SLC22A2: variants seen among roughly 807,000 people sequenced by gnomAD.
SLC22A2 encodes the protein organic cation transporter 2.
A neutral mutation model predicts 60.5 loss-of-function variants in SLC22A2; 46 were observed. That is an observed-to-expected ratio of 0.76 (90% CI 0.60 to 0.97). The LOEUF (loss-of-function observed/expected upper bound fraction) is 0.97. SLC22A2 is among the 50% of genes least tolerant of loss of function. The pLI is 0.00. For missense variants in SLC22A2, 701 were observed against 706.6 expected (o/e 0.99, Z 0.09); for synonymous variants, 303 against 267.0 (o/e 1.13, Z -1.31).
chr6:160,228,066 C>T (rs1012360869), intron 9 of SLC22A2, among the ~76,000 whole-genome samples: 2 of 152,244 alleles, frequency 1.3e-5, no homozygotes, highest in Admixed American at 1.3e-4. Flanking sequence ...CAGGGCTGCT[C>T]TGCCTGTGGA....
chr6:160,235,313 T>C (rs1325321510), intron 9 of SLC22A2, among the ~76,000 whole-genome samples: 4 of 151,526 alleles, frequency 2.6e-5, no homozygotes, highest in Admixed American at 1.3e-4. Flanking sequence ...ATGGCAGTTA[T>C]GGGGAGATCC....
intron 9 of SLC22A2, among the ~76,000 whole-genome samples, chr6:160,228,311 T>C (rs1782759771): frequency 1.3e-5 from 2 of 152,174 alleles, no homozygotes; most frequent in Admixed American, 6.5e-5. Flanking sequence ...TTTGGGTAAG[T>C]GCTGGCGTAC....
intron 10 of SLC22A2, among the ~76,000 whole-genome samples, chr6:160,219,308 G>T (rs1331011431): frequency 3.2e-4 from 46 of 145,208 alleles, no homozygotes; most frequent in Non-Finnish European, 6.0e-5. Context: ...AAAAACAATA[G>T]CAGCAGTAAC....
At chr6:160,246,925 G>A (rs915625778) in intron 5 of SLC22A2, among the ~76,000 whole-genome samples, 5 of 152,248 alleles carry the variant, frequency 3.3e-5, no homozygotes, top group Non-Finnish European at 7.3e-5. Flanking sequence ...AGTTGCACAA[G>A]ACAGAAGCTC....
Position 160,249,386 on chromosome 6 carries a change from T to A in SLC22A2, c.674-2A>T. On this transcript the variant is annotated splice_acceptor_variant, in intron 3 of 10. Coordinates refer to ENST00000366953, the MANE Select transcript of SLC22A2 (RefSeq NM_003058.4). LOFTEE classifies it high-confidence loss of function. ...ATCTCCGCCCAACAAATTCTGTAAC[T>A]GCAGAGAGAATTTGAATGGTTAATG... is the stretch of plus-strand genomic sequence containing the variant. The A allele has an allele frequency of 6.2e-7, 1 of 1,612,322 alleles. No individual in the cohort carries two copies. The highest frequency in any genetic ancestry group is 8.5e-7 in the Non-Finnish European group (1 of 1,178,866).
chr6:160,245,570 G>A (rs1326741515), intron 5 of SLC22A2, 25 bp from the exon 6 acceptor site: 1 of 1,461,976 alleles, frequency 6.8e-7, no homozygotes, highest in Non-Finnish European at 9.5e-7. Context: ...AGAAAGGACG[G>A]CTTTGTATAT....
chr6:160,237,872 A>T (rs1782935921), intron 9 of SLC22A2, among the ~76,000 whole-genome samples: 2 of 152,182 alleles, frequency 1.3e-5, no homozygotes, highest in Non-Finnish European at 2.9e-5. Flanking sequence ...CAAAACCAAG[A>T]TGGCAATGAG....
intron 2 of SLC22A2, among the ~76,000 whole-genome samples, chr6:160,255,081 T>C (rs778940916): frequency 1.3e-5 from 2 of 152,216 alleles, no homozygotes; most frequent in Non-Finnish European, 1.5e-5. Context: ...GGACCTCCCC[T>C]TGTTAATGTG....
intron 2 of SLC22A2, among the ~76,000 whole-genome samples, chr6:160,256,060 G>A (rs185533469): frequency 6.6e-6 from 1 of 152,194 alleles, no homozygotes; most frequent in East Asian, 1.9e-4. Flanking sequence ...TTTACCCCTC[G>A]TGTTGTAGGC....
rs772658003 is a variant in SLC22A2 at position 160,249,245 on chromosome 6, CAGAGA to C, written c.808_812del (p.Ser270AlafsTer14). ...AATAGAGCAAGAAGAAGAAGTTGGG[CAGAGA>C]AACTGTGAACTGCAACCACCTCCAG... On this transcript the variant is annotated frameshift_variant, in exon 4 of 11. Transcript: ENST00000366953. LOFTEE classifies it high-confidence loss of function. 32 of 1,605,524 alleles carry C rather than the reference CAGAGA, an allele frequency of 2.0e-5. No individual in the cohort carries two copies. The highest frequency in any genetic ancestry group is 2.6e-5 in the Non-Finnish European group (31 of 1,177,006).
At chr6:160,230,464 G>C (rs552877739) in intron 9 of SLC22A2, among the ~76,000 whole-genome samples, 1 of 151,876 alleles carries the variant, frequency 6.6e-6, no homozygotes, top group African/African-American at 2.4e-5. Context: ...ACCCTGAAGG[G>C]TCAGAAGGCC....
At chr6:160,230,878 C>G (rs1782810205) in intron 9 of SLC22A2, among the ~76,000 whole-genome samples, 1 of 151,910 alleles carries the variant, frequency 6.6e-6, no homozygotes, top group Non-Finnish European at 1.5e-5. Context: ...CCAACTTGCC[C>G]CGCAGCCAGT....
At chr6:160,251,969 T>A (rs1214327020) in intron 2 of SLC22A2, among the ~76,000 whole-genome samples, 4 of 152,228 alleles carry the variant, frequency 2.6e-5, no homozygotes, top group Non-Finnish European at 5.9e-5. Flanking sequence ...AATTTCATTT[T>A]TAAAAATTTT....
Position 160,258,384 on chromosome 6 carries a change from C to A in SLC22A2, c.374G>T (p.Gly125Val). 6.2e-7 allele frequency: 1 copy of A among 1,613,400 alleles called. No individual in the cohort carries two copies. The change falls in exon 1 of 11, where the codon GGC (glycine) becomes GTC (valine). Residue 125 changes from glycine (G) to valine (V), a missense_variant. By Grantham distance (109) the Gly-to-Val change is moderately radical (BLOSUM62 -3). Transcript: ENST00000366953. ...CGAGCCAGGCGTCTCGTACACCCAG[C>A]CGTCCCGGCAGGGGCCCAGTGGCAG... The part of the protein sequence containing the change: ...SRLPLGPCRD[G>V]WVYETPGSSI...
intron 6 of SLC22A2, 51 bp from the exon 7 acceptor site, chr6:160,243,837 CA>C: frequency 1.5e-6 from 2 of 1,306,636 alleles, no homozygotes; most frequent in Non-Finnish European, 2.2e-6. Flanking sequence ...CACAGGGCAC[CA>C]AAAAAGAGAG....
chr6:160,242,295 TA>T lies in SLC22A2; in HGVS notation c.1386del (p.Arg463GlyfsTer35). On this transcript the variant is annotated frameshift_variant and splice_region_variant, in exon 8 of 11. Transcript: ENST00000366953. LOFTEE classifies it high-confidence loss of function. ...LVNAELYPTF[I>X]RNLGVHICSS... ...TCATTCTAAGGAAAATGCACTCACC[TA>T]ATGAATGTGGGGTACAGCTCAGCAT... 6.5e-7 allele frequency: 1 copy of T among 1,535,214 alleles called. No homozygotes were observed. The highest frequency in any genetic ancestry group is 9.0e-7 in the Non-Finnish European group (1 of 1,107,818).
At chr6:160,253,043 C>T (rs1383112741) in intron 2 of SLC22A2, among the ~76,000 whole-genome samples, 1 of 152,150 alleles carries the variant, frequency 6.6e-6, no homozygotes, top group Non-Finnish European at 1.5e-5. Context: ...CAGGCAAGCA[C>T]CAAAATTGGG....
intron 10 of SLC22A2, among the ~76,000 whole-genome samples, chr6:160,219,630 G>T (rs532478608): frequency 2.7e-5 from 4 of 150,680 alleles, no homozygotes; most frequent in Admixed American, 1.3e-4. Flanking sequence ...TGTCAGTGGG[G>T]TTAATAATAA....
In SLC22A2 at chr6:160,250,644, G is replaced by T. The variant is rs556775097; in HGVS notation, c.577C>A (p.Leu193Ile). Reference sequence around the variant, plus strand: ...GTATAGGTTGGGGAAATGGCCATGAGAACTCCAGCTGCAGCATTTATGAGG... The same window carrying T: ...GTATAGGTTGGGGAAATGGCCATGATAACTCCAGCTGCAGCATTTATGAGG... ...TVLINAAAGV[L>I]MAISPTYTWM... The change falls in exon 3 of 11, where the codon CTC becomes ATC. Residue 193 changes from leucine (L) to isoleucine (I), a missense_variant. Physicochemically the swap from Leu to Ile is conservative, Grantham distance 5. Coordinates refer to ENST00000366953, the MANE Select transcript of SLC22A2 (RefSeq NM_003058.4). The T allele has an allele frequency of 1.2e-6, 2 of 1,614,084 alleles. No homozygotes were observed. Among genetic ancestry groups the T allele is most frequent in the Non-Finnish European group, 1.7e-6 (2 of 1,179,948 alleles).
Sources: gnomAD v4.1 joint callset for allele counts (sites outside exome capture counted in the v4.1 genomes callset) on GRCh38, gnomAD v4.1.1 for gene constraint, MANE v1.5 for transcripts, NCBI Gene and HGNC (gene_info 2026-07-23, HGNC 2026-07-21) for gene names.